Variants in NPAS3 observed in about 807,000 individuals in gnomAD.
NPAS3 encodes neuronal PAS domain protein 3.
In NPAS3, 14 loss-of-function variants were observed where a neutral mutation model predicts 73.1. The observed-to-expected ratio is 0.19, with a 90% CI of 0.13 to 0.30. The LOEUF (loss-of-function observed/expected upper bound fraction) is 0.30, where lower values mean the gene tolerates loss of function less well. Among genes scored for constraint, NPAS3 ranks in the 10% least tolerant of loss-of-function variants. The pLI, the probability that NPAS3 is intolerant of heterozygous loss-of-function variation, is 1.00. For missense variants in NPAS3, 1,096 were observed against 1,250.0 expected (o/e 0.88, Z 1.86); for synonymous variants, 620 against 541.5 (o/e 1.14, Z -2.01).
chr14:33,315,183 G>T (rs1178064066), intron 3 of NPAS3, among the ~76,000 whole-genome samples: 1 of 152,018 alleles, frequency 6.6e-6, no homozygotes, highest in Non-Finnish European at 1.5e-5. Flanking sequence ...AAGCCACGCT[G>T]GTGGGTTGTC....
At chr14:33,162,257 A>T (rs996086860) in intron 2 of NPAS3, among the ~76,000 whole-genome samples, 1 of 152,228 alleles carries the variant, frequency 6.6e-6, no homozygotes, top group African/African-American at 2.4e-5. Flanking sequence ...CCATGCATCC[A>T]TATCTACATT....
chr14:33,503,177 G>A (rs886898195), intron 4 of NPAS3, among the ~76,000 whole-genome samples: 1 of 151,862 alleles, frequency 6.6e-6, no homozygotes, highest in Non-Finnish European at 1.5e-5. Context: ...AATTGCCTTT[G>A]TCTTCTTAAA....
chr14:33,361,301 T>C (rs960943307), intron 3 of NPAS3, among the ~76,000 whole-genome samples: 1 of 152,242 alleles, frequency 6.6e-6, no homozygotes, highest in African/African-American at 2.4e-5. Context: ...CCGTTTCACA[T>C]TTAGAGGACT....
At chr14:33,632,554 G>A (rs912756675) in intron 5 of NPAS3, among the ~76,000 whole-genome samples, 4 of 152,082 alleles carry the variant, frequency 2.6e-5, no homozygotes, top group African/African-American at 4.8e-5. Flanking sequence ...TCCCACCCCC[G>A]GAGCTGGAGC....
intron 6 of NPAS3, among the ~76,000 whole-genome samples, chr14:33,696,776 G>C (rs944969751): frequency 6.6e-6 from 1 of 152,136 alleles, no homozygotes; most frequent in African/African-American, 2.4e-5. Context: ...AGTATGTTTT[G>C]TTTCTTGCTT....
chr14:33,707,870 C>T (rs1052236963), intron 6 of NPAS3, among the ~76,000 whole-genome samples: 1 of 152,168 alleles, frequency 6.6e-6, no homozygotes, highest in African/African-American at 2.4e-5. Context: ...GCTTTGCCTG[C>T]ATGCGTGGCA....
chr14:33,171,346 T>C (rs139283355), intron 2 of NPAS3, among the ~76,000 whole-genome samples: 1 of 152,316 alleles, frequency 6.6e-6, no homozygotes, highest in East Asian at 1.9e-4. Context: ...TTAATGGCCC[T>C]AGGATTTTCA....
At position 33,140,881 on chromosome 14, in the gene NPAS3, G is replaced by C. The variant is rs146874540; in HGVS notation, c.141-74301G>C. ...AATGATGGAATTAAGAAAGCCTATT[G>C]ACTATGGCCAAACATAATGGGGAAA... On this transcript the variant is annotated intron_variant, in intron 2 of 11. Coordinates refer to ENST00000356141, the Ensembl canonical transcript of NPAS3. Among the ~76,000 whole-genome samples the C allele has an allele frequency of 2.7e-3, 410 of 152,284 alleles. 1 individual carries two copies. The highest frequency in any genetic ancestry group is 8.2e-3 in the African/African-American group (342 of 41,570).
intron 2 of NPAS3, among the ~76,000 whole-genome samples, chr14:33,210,068 T>G (rs2139647625): frequency 6.6e-6 from 1 of 152,330 alleles, no homozygotes; most frequent in South Asian, 2.1e-4. Flanking sequence ...TTAATCCTTG[T>G]TATCCTCTGT....
chr14:33,065,584 G>A (rs1432856192), intron 2 of NPAS3, among the ~76,000 whole-genome samples: 2 of 152,006 alleles, frequency 1.3e-5, no homozygotes, highest in African/African-American at 4.8e-5. Flanking sequence ...ATATCAATTT[G>A]AGAATTCTTT....
rs185831568 is a variant in NPAS3, at chr14:33,149,724, A to G, written c.141-65458A>G. Among the ~76,000 whole-genome samples the G allele has an allele frequency of 4.6e-5, 7 of 152,314 alleles. No individual in the cohort carries two copies. In the East Asian group the frequency reaches 1.3e-3, roughly 29 times the overall value. The stretch of plus-strand genomic sequence containing the variant: ...AGATATTTGGTTCTTGAACTTCAGG[A>G]CTGCAAATATACCTAGAAAATTCTT... On this transcript the variant is annotated intron_variant, in intron 2 of 11. Transcript: ENST00000356141.
At position 33,329,049 on chromosome 14, in the gene NPAS3, A is replaced by ACATT. The variant is rs1259855981; in HGVS notation, c.386-38135_386-38132dup. Among the ~76,000 whole-genome samples the ACATT allele has an allele frequency of 2.6e-5, 4 of 152,228 alleles. No homozygotes were observed. In the East Asian group the frequency reaches 7.7e-4, roughly 29 times the overall value. ...TGGCATTAATTTTACTGCTGTCTGG[A>ACATT]CATTCCTTATCACTCAGGTAAATGT... On this transcript the variant is annotated intron_variant, in intron 3 of 11. Transcript: ENST00000356141.
chr14:33,513,858 A>C (rs1017074652), intron 4 of NPAS3, among the ~76,000 whole-genome samples: 1 of 152,132 alleles, frequency 6.6e-6, no homozygotes, highest in Non-Finnish European at 1.5e-5. Context: ...GCCGCGATGA[A>C]TGTATTTTTT....
rs188593331 is a variant in NPAS3, at chr14:33,346,678, G to A, written c.386-20508G>A. Among the ~76,000 whole-genome samples the A allele has an allele frequency of 3.3e-5, 5 of 152,260 alleles. No homozygotes were observed. In the East Asian group the frequency reaches 9.7e-4, roughly 29 times the overall value. ...GTTTATAAAGCCATGGGGAAAAAAAGTGTTAAGCAGAGCTTGAGTTCCTAG... is the reference window on the plus strand; with the variant it reads ...GTTTATAAAGCCATGGGGAAAAAAAATGTTAAGCAGAGCTTGAGTTCCTAG... On this transcript the variant is annotated intron_variant, in intron 3 of 11. Transcript: ENST00000356141.
At chr14:33,449,071 C>T (rs2049661862) in intron 4 of NPAS3, among the ~76,000 whole-genome samples, 1 of 152,202 alleles carries the variant, frequency 6.6e-6, no homozygotes, top group South Asian at 2.1e-4. Flanking sequence ...GAGTTAAACA[C>T]CCCAACCGCA....
rs182752682 is a variant in NPAS3 at position 33,022,492 on chromosome 14, G to A, written c.51-33413G>A. ...ATCCTGGCTAACACGGTGAAACTCC[G>A]TCTCTACTAAAAAATACAAAAAAGT... On this transcript the variant is annotated intron_variant, in intron 1 of 11. Coordinates refer to ENST00000356141, the Ensembl canonical transcript of NPAS3. Among the ~76,000 whole-genome samples the A allele has an allele frequency of 4.1e-3, 619 of 151,978 alleles. 3 individuals are homozygous for A. Among genetic ancestry groups the A allele is most frequent in the Non-Finnish European group, 6.8e-3 (462 of 67,952 alleles).
rs2063665975 is a variant in NPAS3 at position 33,800,425 on chromosome 14, G to A, written c.2118G>A (p.Gly706=). The A allele has an allele frequency of 6.3e-6, 10 of 1,590,326 alleles. No homozygotes were observed. Among genetic ancestry groups the A allele is most frequent in the South Asian group, 1.1e-5 (1 of 88,804 alleles). The stretch of plus-strand genomic sequence containing the variant: ...GCGGTGGGGGTGGCGGTGGCGGGGG[G>A]CTGCACGTGGCCATTCCCGACTCGG... Residue 706 remains glycine (G), a synonymous_variant, in exon 12 of 12, where the codon GGG becomes GGA. Coordinates refer to ENST00000356141, the Ensembl canonical transcript of NPAS3. This position sits in a 1 kb window ranked among gnomAD's most constrained non-coding sequence, Gnocchi z 6.5.
chr14:33,450,286 G>A (rs1429221189), intron 4 of NPAS3, among the ~76,000 whole-genome samples: 2 of 152,122 alleles, frequency 1.3e-5, no homozygotes, highest in African/African-American at 4.8e-5. Flanking sequence ...CGTGTGGTAG[G>A]TTCTGCTGAT....
intron 4 of NPAS3, among the ~76,000 whole-genome samples, chr14:33,476,397 G>T (rs1169575890): frequency 6.6e-6 from 1 of 152,072 alleles, no homozygotes; most frequent in Non-Finnish European, 1.5e-5. Flanking sequence ...CACTGATCTA[G>T]ATTTGATTTC....
Sources: allele counts gnomAD v4.1 joint callset (sites outside exome capture counted in the v4.1 genomes callset), GRCh38; gene constraint gnomAD v4.1.1; non-coding constraint Gnocchi (gnomAD v3.1); transcripts MANE v1.5; gene names NCBI Gene and HGNC (gene_info 2026-07-23, HGNC 2026-07-21).